Variants in HOXC5 observed in about 807,000 individuals in gnomAD.
HOXC5 encodes the protein homeobox protein Hox-C5.
HOXC5 carries 19 observed loss-of-function variants against 20.1 expected under a neutral mutation model. The ratio of observed to expected loss-of-function variants is 0.94; its 90% CI spans 0.66 to 1.38. HOXC5 has a LOEUF of 1.38. Among genes scored for constraint, HOXC5 ranks in the 40% most tolerant of loss-of-function variants. The probability of loss-of-function intolerance (pLI) is 0.00; values close to 1 mark genes in which losing one functional copy is unlikely to be tolerated. For synonymous variants in HOXC5, 124 were observed against 117.0 expected, an observed-to-expected ratio of 1.06 and a Z score of -0.39; for missense variants, 330 against 300.1, an observed-to-expected ratio of 1.10 and a Z score of -0.74.
chr12:54,034,105 G>C lies in HOXC5; in HGVS notation c.455-173G>C, dbSNP rs1368104968. The C allele has an allele frequency of 4.1e-6, 3 of 728,562 alleles. No homozygotes were observed. In the East Asian group the frequency reaches 8.0e-5, roughly 19 times the overall value. 45.1% of individuals were successfully genotyped at this position (728,562 alleles called of 1,614,324 possible). ...TGGAAAGTTTCCTGCCTGGGCGGAG[G>C]CGCCTCTCCCGGGGCTGGGCTGGGC... is the stretch of plus-strand genomic sequence containing the variant. On this transcript the variant is annotated intron_variant, in intron 1 of 1. Coordinates refer to ENST00000312492, the MANE Select transcript of HOXC5 (RefSeq NM_018953.4).
chr12:54,017,118 C>T, the HOXC5 span: 1 of 152,216 alleles, frequency 6.6e-6, no homozygotes, highest in East Asian at 1.9e-4. Flanking sequence ...TCCCGACCCT[C>T]TGGCCCCCAA....
the HOXC5 span, among the ~76,000 whole-genome samples, chr12:54,025,141 A>G: frequency 6.6e-6 from 1 of 152,154 alleles, no homozygotes; most frequent in Non-Finnish European, 1.5e-5. Context: ...GGCTCGTTTT[A>G]TAGAAACAAA....
At position 54,033,122 on chromosome 12, in the gene HOXC5, C is replaced by T. The variant is rs1941051203; in HGVS notation, c.-1C>T. The T allele has an allele frequency of 6.3e-7, 1 of 1,597,386 alleles. No individual in the cohort carries two copies. The highest frequency in any genetic ancestry group is 1.3e-5 in the African/African-American group (1 of 74,598). ...AGAAATTTTTTTGGGCCCTCCCCGC[C>T]ATGAGCTCCTACGTAGCCAATTCAT... On this transcript the variant is annotated 5_prime_UTR_variant, in exon 1 of 2. Coordinates refer to ENST00000312492, the MANE Select transcript of HOXC5 (RefSeq NM_018953.4).
chr12:54,033,143 T>G lies in HOXC5; in HGVS notation c.21T>G (p.Asn7Lys). 6.2e-7 allele frequency: 1 copy of G among 1,610,200 alleles called. No individual in the cohort carries two copies. The highest frequency in any genetic ancestry group is 8.5e-7 in the Non-Finnish European group (1 of 1,176,658). MSSYVA[N>K]SFYKQSPNIP... Reference sequence around the variant, plus strand: ...CCGCCATGAGCTCCTACGTAGCCAATTCATTCTATAAGCAGAGCCCCAATA... The same window carrying G: ...CCGCCATGAGCTCCTACGTAGCCAAGTCATTCTATAAGCAGAGCCCCAATA... Residue 7 changes from asparagine to lysine, a missense_variant, in exon 1 of 2, where the codon AAT (asparagine) becomes AAG (lysine). Asn to Lys is a moderately conservative substitution (Grantham distance 94). Transcript: ENST00000312492.
At chr12:54,028,611 C>G, upstream of HOXC5, 1 of 1,614,168 alleles carries the variant, frequency 6.2e-7, no homozygotes, top group South Asian at 1.1e-5. Flanking sequence ...ATTCCACCGC[C>G]TATGATCCAG....
chr12:54,020,529 G>C, the HOXC5 span: 1 of 152,206 alleles, frequency 6.6e-6, no homozygotes, highest in Non-Finnish European at 1.5e-5. Context: ...CCAGGCTTGG[G>C]AGTGTTATAT....
chr12:54,034,444 G>A lies in HOXC5; in HGVS notation c.621G>A (p.Arg207=). ...RQIKIWFQNR[R]MKWKKDSKMK... Reference sequence around the variant, plus strand: ...TCAAGATCTGGTTCCAGAACCGCAGGATGAAGTGGAAGAAAGATTCCAAAA... The same window carrying A: ...TCAAGATCTGGTTCCAGAACCGCAGAATGAAGTGGAAGAAAGATTCCAAAA... The change falls in exon 2 of 2, where the codon AGG becomes AGA. Residue 207 remains arginine (R), a synonymous_variant. Transcript: ENST00000312492. The A allele has an allele frequency of 6.2e-7, 1 of 1,614,264 alleles. No homozygotes were observed. Among genetic ancestry groups the A allele is most frequent in the Non-Finnish European group, 8.5e-7 (1 of 1,180,048 alleles).
chr12:54,024,050 A>G, the HOXC5 span, among the ~76,000 whole-genome samples: 2 of 152,226 alleles, frequency 1.3e-5, no homozygotes, highest in Admixed American at 1.3e-4. Context: ...CTAATCATAG[A>G]CCAATCGGGC....
chr12:54,020,097 A>G, the HOXC5 span: 1 of 152,278 alleles, frequency 6.6e-6, no homozygotes, highest in East Asian at 1.9e-4. Context: ...CAGAAGCACA[A>G]GAGGACCCAC....
chr12:54,031,124 CCTTT>C (rs1458191713), upstream of HOXC5, among the ~76,000 whole-genome samples: 1 of 152,252 alleles, frequency 6.6e-6, no homozygotes, highest in Non-Finnish European at 1.5e-5. Flanking sequence ...CCCACGCAGG[CCTTT>C]CTTCCTGCCT....
At chr12:54,034,095 C>T (rs1941104881) in intron 1 of HOXC5, 183 bp from the exon 2 acceptor site, 4 of 721,870 alleles carry the variant, frequency 5.5e-6, no homozygotes, top group Non-Finnish European at 1.0e-5. Context: ...AGTTTCCTGC[C>T]TGGGCGGAGG....
upstream of HOXC5, among the ~76,000 whole-genome samples, chr12:54,031,662 C>T (rs1940992253): frequency 6.6e-6 from 1 of 152,150 alleles, no homozygotes; most frequent in South Asian, 2.1e-4. Context: ...CAGAGTTTTC[C>T]GGGCCCTTCA....
At chr12:54,028,488 A>T (rs1940831720), upstream of HOXC5, 1 of 1,592,020 alleles carries the variant, frequency 6.3e-7, no homozygotes, top group Non-Finnish European at 8.6e-7. Context: ...TAAATATTAA[A>T]GAAATCATAG....
the HOXC5 span, chr12:54,017,249 T>C: frequency 6.6e-6 from 1 of 152,170 alleles, no homozygotes; most frequent in Admixed American, 6.5e-5. Context: ...TTTGTTTGGC[T>C]TTTGGATGAT....
chr12:54,019,714 C>G, the HOXC5 span, among the ~76,000 whole-genome samples: 13 of 152,166 alleles, frequency 8.5e-5, no homozygotes, highest in African/African-American at 3.1e-4. Flanking sequence ...AGGTATTTCT[C>G]TTAATCCTAG....
upstream of HOXC5, chr12:54,029,034 G>GCTCGTCTC: frequency 9.6e-7 from 1 of 1,038,042 alleles, no homozygotes; most frequent in Non-Finnish European, 1.4e-6. Context: ...AAACAATCAC[G>GCTCGTCTC]CTCGTCTCCT....
rs778868144 is a variant in HOXC5, at chr12:54,034,523, C to T, written c.*31C>T. On this transcript the variant is annotated 3_prime_UTR_variant, in exon 2 of 2. Transcript: ENST00000312492. The stretch of plus-strand genomic sequence containing the variant: ...GCGGGGGAGGCCCGCAGAGCGCGCC[C>T]CTAGCCGGTTCCTGTCCCTGCGCCT... The T allele has an allele frequency of 7.0e-6, 11 of 1,573,818 alleles. No homozygotes were observed. Among genetic ancestry groups the T allele is most frequent in the Non-Finnish European group, 9.6e-6 (11 of 1,146,378 alleles).
upstream of HOXC5, chr12:54,029,777 G>C (rs762610633): frequency 1.2e-6 from 2 of 1,614,008 alleles, no homozygotes; most frequent in African/African-American, 2.7e-5. Flanking sequence ...CATCGAGATC[G>C]CCAACGCGCT....
At chr12:54,019,392 G>C in the HOXC5 span, among the ~76,000 whole-genome samples, 1 of 152,206 alleles carries the variant, frequency 6.6e-6, no homozygotes, top group Non-Finnish European at 1.5e-5. Context: ...GGAACCCGGA[G>C]TCTGTGGGAC....
Sources: allele counts gnomAD v4.1 joint callset (sites outside exome capture counted in the v4.1 genomes callset), GRCh38; gene constraint gnomAD v4.1.1; transcripts MANE v1.5; gene names NCBI Gene and HGNC (gene_info 2026-07-23, HGNC 2026-07-21).